The following R3HDM2 variants were observed in gnomAD, a reference collection of about 807,000 sequenced individuals.
R3HDM2 encodes the protein R3H domain-containing protein 2.
Under a neutral mutation model 124.5 loss-of-function variants are expected in R3HDM2, and 38 were observed. The ratio of observed to expected loss-of-function variants is 0.31; its 90% CI spans 0.24 to 0.40. The LOEUF (loss-of-function observed/expected upper bound fraction) is 0.40. R3HDM2 is among the 10% of genes least tolerant of loss of function. The pLI, the probability that R3HDM2 is intolerant of heterozygous loss-of-function variation, is 1.00. For synonymous variants in R3HDM2, 391 were observed against 448.0 expected (o/e 0.87, Z 1.61); for missense variants, 869 against 1,236.9 (o/e 0.70, Z 4.46).
chr12:57,400,210 A>G (rs1406050427), intron 1 of R3HDM2, among the ~76,000 whole-genome samples: 1 of 152,212 alleles, frequency 6.6e-6, no homozygotes, highest in African/African-American at 2.4e-5. Context: ...AGACTGGATT[A>G]AGAAAATGTG....
chr12:57,272,508 G>T (rs760288955), intron 14 of R3HDM2: 6 of 1,547,762 alleles, frequency 3.9e-6, no homozygotes, highest in Non-Finnish European at 5.2e-6. Context: ...ACAGGAGCTT[G>T]GAGAGAACTG....
At position 57,284,052 on chromosome 12, in the gene R3HDM2, T is replaced by A. The variant is rs1241975207; in HGVS notation, c.943A>T (p.Asn315Tyr). The change falls in exon 13 of 24, where the codon AAC (asparagine) becomes TAC (tyrosine). Residue 315 changes from asparagine (N) to tyrosine (Y), a missense_variant. Asn to Tyr is a moderately radical substitution (Grantham distance 143). This residue lies in a region of R3HDM2 where 267 missense variants were observed against 447.7 expected (regional missense o/e 0.60). Coordinates refer to ENST00000402412, the MANE Select transcript of R3HDM2 (RefSeq NM_001394031.1). ...GAGGTGCGGCTCAGTCCTTCACGGTTCCCCCTGCAGAGACCATAGTGGTCA... is the reference window on the plus strand; with the variant it reads ...GAGGTGCGGCTCAGTCCTTCACGGTACCCCCTGCAGAGACCATAGTGGTCA... Reference protein sequence around the residue: ...QNGYLNDIRGNREGLSRTSSS... With the variant: ...QNGYLNDIRGYREGLSRTSSS... 1.9e-6 allele frequency: 3 copies of A among 1,593,702 alleles called. No homozygotes were observed. Among genetic ancestry groups the A allele is most frequent in the Non-Finnish European group, 2.6e-6 (3 of 1,170,338 alleles).
At chr12:57,382,916 T>G (rs1225394628) in intron 2 of R3HDM2, among the ~76,000 whole-genome samples, 3 of 152,038 alleles carry the variant, frequency 2.0e-5, no homozygotes, top group Admixed American at 6.5e-5. Context: ...TGTTGCCCAG[T>G]CTGGAGTGCA....
rs148673354 is a variant in R3HDM2, at chr12:57,258,186, T to G, written c.2302-49A>C. The G allele has an allele frequency of 7.8e-5, 109 of 1,395,820 alleles. 2 individuals are homozygous for G. In the East Asian group the frequency reaches 2.9e-3, roughly 37 times the overall value. The allele number at this position is 1,395,820 out of a possible 1,614,324, so 86.5% of individuals were successfully genotyped here. On this transcript the variant is annotated intron_variant, in intron 20 of 23. Transcript: ENST00000402412. The stretch of plus-strand genomic sequence containing the variant: ...CACATAAACATCAAACATTACCCTC[T>G]GGATATTCCTATGGCTTGGCTTAAA...
intron 8 of R3HDM2, 43 bp downstream of exon 8, chr12:57,297,285 C>T: frequency 1.0e-6 from 1 of 998,856 alleles, no homozygotes; most frequent in Non-Finnish European, 1.5e-6. Flanking sequence ...ATTTCCAGTG[C>T]CCCCTCCCAC....
At chr12:57,376,513 G>A (rs1159379567) in intron 2 of R3HDM2, among the ~76,000 whole-genome samples, 1 of 152,186 alleles carries the variant, frequency 6.6e-6, no homozygotes, top group African/African-American at 2.4e-5. Context: ...TTGATTTACT[G>A]GGTGAGGTGG....
intron 2 of R3HDM2, among the ~76,000 whole-genome samples, chr12:57,377,588 CTG>C: frequency 6.6e-6 from 1 of 152,214 alleles, no homozygotes; most frequent in Non-Finnish European, 1.5e-5. Flanking sequence ...AGCTTGACTC[CTG>C]TGAGTCAACT....
chr12:57,386,124 T>G (rs931363203), intron 2 of R3HDM2, among the ~76,000 whole-genome samples: 4 of 150,286 alleles, frequency 2.7e-5, no homozygotes, highest in Admixed American at 1.3e-4. Context: ...TAACATGCAA[T>G]AGGTTTGAGA....
chr12:57,356,363 T>A lies in R3HDM2; in HGVS notation c.-36+39386A>T, dbSNP rs1053444278. On this transcript the variant is annotated intron_variant, in intron 2 of 23. Coordinates refer to ENST00000402412, the MANE Select transcript of R3HDM2 (RefSeq NM_001394031.1). ...CTTCTATTAAGATGATCATAGGTTA[T>A]TTTTTCAGTCTGTTAATAGAGAATT... Among the ~76,000 whole-genome samples, 4 of 152,214 alleles carry A rather than the reference T, an allele frequency of 2.6e-5. No individual in the cohort carries two copies. In the South Asian group the frequency reaches 8.3e-4, roughly 32 times the overall value.
intron 14 of R3HDM2, among the ~76,000 whole-genome samples, chr12:57,278,950 G>A (rs2045493344): frequency 6.6e-6 from 1 of 152,122 alleles, no homozygotes; most frequent in African/African-American, 2.4e-5. Flanking sequence ...ACCTAGGGAA[G>A]AAATATATCT....
rs1259673715 is a variant in R3HDM2, at chr12:57,348,723, AG to A, written c.-35-38261del. ...AAAAAAAAAAAAAAAAAAAAAAAAG[AG>A]AGAGAAAAATTAGCCAGGCATGGTG... On this transcript the variant is annotated intron_variant, in intron 2 of 23. Coordinates refer to ENST00000402412, the MANE Select transcript of R3HDM2 (RefSeq NM_001394031.1). Among the ~76,000 whole-genome samples, 10 of 5,724 alleles carry A rather than the reference AG, an allele frequency of 1.7e-3. 1 individual carries two copies. The highest frequency in any genetic ancestry group is 3.6e-3 in the African/African-American group (8 of 2,234). 3.8% of individuals were successfully genotyped at this position (5,724 alleles called of 152,430 possible).
chr12:57,303,332 A>G, intron 3 of R3HDM2, 115 bp from the exon 4 acceptor site: 1 of 911,474 alleles, frequency 1.1e-6, no homozygotes. Context: ...ACAACAGCCA[A>G]ACTATGATGA....
intron 2 of R3HDM2, among the ~76,000 whole-genome samples, chr12:57,347,645 A>C (rs1003993542): frequency 6.6e-6 from 1 of 152,218 alleles, no homozygotes; most frequent in African/African-American, 2.4e-5. Context: ...ACCCAATTAC[A>C]TGCTGTCTAC....
chr12:57,277,799 G>A (rs1325072068), intron 14 of R3HDM2, among the ~76,000 whole-genome samples: 1 of 152,192 alleles, frequency 6.6e-6, no homozygotes, highest in African/African-American at 2.4e-5. Context: ...AGTGGTGTTT[G>A]TGTGTGCACA....
chr12:57,413,146 C>CT (rs1206243511), intron 1 of R3HDM2, among the ~76,000 whole-genome samples: 8 of 151,774 alleles, frequency 5.3e-5, no homozygotes, highest in Admixed American at 2.6e-4. Flanking sequence ...GAGTGAGACT[C>CT]TGTCTCAAAA....
intron 1 of R3HDM2, among the ~76,000 whole-genome samples, chr12:57,404,278 G>A (rs1382424146): frequency 6.7e-6 from 1 of 150,154 alleles, no homozygotes. Context: ...TGGTCAGGCT[G>A]GTCTCGAACT....
chr12:57,370,240 CCT>C (rs1256420653), intron 2 of R3HDM2, among the ~76,000 whole-genome samples: 1 of 152,056 alleles, frequency 6.6e-6, no homozygotes, highest in Non-Finnish European at 1.5e-5. Flanking sequence ...TGGAATTTCC[CCT>C]GCTTGCACTC....
intron 2 of R3HDM2, among the ~76,000 whole-genome samples, chr12:57,348,916 G>T (rs975286391): frequency 6.6e-6 from 1 of 151,988 alleles, no homozygotes; most frequent in African/African-American, 2.4e-5. Context: ...CGGAAATCAA[G>T]TAGTATTGGC....
chr12:57,330,516 T>G (rs1212809279), intron 2 of R3HDM2, among the ~76,000 whole-genome samples: 3 of 149,046 alleles, frequency 2.0e-5, no homozygotes, highest in African/African-American at 7.4e-5. Context: ...GCTAATTTTT[T>G]GTATTTTTAG....
Sources: gnomAD v4.1 joint callset for allele counts (sites outside exome capture counted in the v4.1 genomes callset) on GRCh38, gnomAD v4.1.1 for gene constraint, gnomAD v4.1.1 regional missense constraint, MANE v1.5 for transcripts, NCBI Gene and HGNC (gene_info 2026-07-23, HGNC 2026-07-21) for gene names.